Variants in PTPN12 observed in about 807,000 individuals in gnomAD.
PTPN12 encodes protein tyrosine phosphatase non-receptor type 12.
Under a neutral mutation model 97.6 loss-of-function variants are expected in PTPN12, and 29 were observed. The ratio of observed to expected loss-of-function variants is 0.30; its 90% CI spans 0.22 to 0.41. The LOEUF is 0.41. Ranked by LOEUF, PTPN12 falls within the 10% of genes least tolerant of loss-of-function variation. The probability of loss-of-function intolerance (pLI) is 1.00; values close to 1 mark genes in which losing one functional copy is unlikely to be tolerated. For synonymous variants in PTPN12, 327 were observed against 300.4 expected, an observed-to-expected ratio of 1.09 and a Z score of -0.91; for missense variants, 819 against 926.0, an observed-to-expected ratio of 0.88 and a Z score of 1.50.
At chr7:77,540,748 A>G (rs911544354) in intron 1 of PTPN12, among the ~76,000 whole-genome samples, 1 of 151,954 alleles carries the variant, frequency 6.6e-6, no homozygotes, top group Non-Finnish European at 1.5e-5. Context: ...CTGGAGAGGA[A>G]CTATGTTCTC....
intron 2 of PTPN12, among the ~76,000 whole-genome samples, chr7:77,573,329 C>T (rs1343870974): frequency 6.6e-6 from 1 of 152,046 alleles, no homozygotes; most frequent in African/African-American, 2.4e-5. Flanking sequence ...CTGGGAAGTC[C>T]AAGATGAAGG....
In PTPN12 at chr7:77,639,381, A is replaced by G; in HGVS notation, c.*101A>G. 1 of 934,620 alleles carries G rather than the reference A, an allele frequency of 1.1e-6. No individual in the cohort carries two copies. The highest frequency in any genetic ancestry group is 1.6e-6 in the Non-Finnish European group (1 of 609,352). The allele number at this position is 934,620 out of a possible 1,614,324, so 57.9% of individuals were successfully genotyped here. A position where few individuals can be genotyped will look rare whatever the true frequency, so the allele number is the denominator to read the frequency against. Reference sequence around the variant, plus strand: ...ATCTTTAATATGTGGGACTAACAGCAGTGTAGATTGTTACCTTAATATTTT... The same window carrying G: ...ATCTTTAATATGTGGGACTAACAGCGGTGTAGATTGTTACCTTAATATTTT... On this transcript the variant is annotated 3_prime_UTR_variant, in exon 18 of 18. Coordinates refer to ENST00000248594, the MANE Select transcript of PTPN12 (RefSeq NM_002835.4).
chr7:77,572,144 G>T (rs1047536391), intron 2 of PTPN12, among the ~76,000 whole-genome samples: 1 of 151,250 alleles, frequency 6.6e-6, no homozygotes, highest in Non-Finnish European at 1.5e-5. Context: ...GCCCAGGCTG[G>T]AGTGCGGTGG....
intron 8 of PTPN12, among the ~76,000 whole-genome samples, chr7:77,606,647 G>T (rs1335785063): frequency 2.0e-5 from 3 of 152,220 alleles, no homozygotes; most frequent in Non-Finnish European, 4.4e-5. Flanking sequence ...GTTACTCATA[G>T]TTCAAAAATA....
chr7:77,584,892 A>T (rs1359424081), intron 4 of PTPN12, among the ~76,000 whole-genome samples: 1 of 152,042 alleles, frequency 6.6e-6, no homozygotes, highest in East Asian at 1.9e-4. Flanking sequence ...AAAAAAAAAA[A>T]ATTTATTGTG....
chr7:77,618,476 G>A lies in PTPN12; in HGVS notation c.940-4G>A. 3 of 1,567,486 alleles carry A rather than the reference G, an allele frequency of 1.9e-6. No individual in the cohort carries two copies. Among genetic ancestry groups the A allele is most frequent in the South Asian group, 1.2e-5 (1 of 84,820 alleles). ...CCTTAGTGAAGTATTTTTTCCCTTG[G>A]CAGAATGAAATTAACACTGAAAACA... is the stretch of plus-strand genomic sequence containing the variant. On this transcript the variant is annotated splice_region_variant and splice_polypyrimidine_tract_variant and intron_variant, in intron 11 of 17. Transcript: ENST00000248594.
intron 8 of PTPN12, among the ~76,000 whole-genome samples, chr7:77,602,064 G>A (rs1490277585): frequency 6.6e-6 from 1 of 151,988 alleles, no homozygotes; most frequent in African/African-American, 2.4e-5. Flanking sequence ...TTGAAGTTCA[G>A]TTAGGTTTTG....
intron 1 of PTPN12, among the ~76,000 whole-genome samples, chr7:77,551,794 A>T (rs1298921930): frequency 4.6e-5 from 7 of 152,112 alleles, no homozygotes; most frequent in Non-Finnish European, 1.0e-4. Flanking sequence ...CTGATATCTT[A>T]TACTTCTTAG....
intron 2 of PTPN12, among the ~76,000 whole-genome samples, chr7:77,576,470 C>T (rs939248075): frequency 1.3e-5 from 2 of 152,032 alleles, no homozygotes; most frequent in Admixed American, 6.6e-5. Context: ...GAGGCCGAAG[C>T]GGGCAGATCA....
At chr7:77,608,223 C>A (rs1452805481) in intron 9 of PTPN12, among the ~76,000 whole-genome samples, 1 of 152,220 alleles carries the variant, frequency 6.6e-6, no homozygotes, top group Admixed American at 6.5e-5. Context: ...GGTCAAAATA[C>A]TAATCCCATA....
At chr7:77,634,129 G>T (rs1789502081) in intron 14 of PTPN12, among the ~76,000 whole-genome samples, 1 of 151,988 alleles carries the variant, frequency 6.6e-6, no homozygotes, top group Admixed American at 6.6e-5. Flanking sequence ...GATCCCTGTA[G>T]TTGGAGGCTG....
intron 1 of PTPN12, among the ~76,000 whole-genome samples, chr7:77,558,745 G>A (rs1220146366): frequency 6.6e-6 from 1 of 152,214 alleles, no homozygotes; most frequent in East Asian, 1.9e-4. Flanking sequence ...TTTATGAGCT[G>A]GGCCCAGTGG....
At position 77,567,547 on chromosome 7, in the gene PTPN12, C is replaced by G. The variant is rs368365240; in HGVS notation, c.100-3531C>G. ...CATGGGATTTTTTTTAAAGTAGAAT[C>G]TTAGCAACTTTTAAAAAGACAAATT... On this transcript the variant is annotated intron_variant, in intron 1 of 17. Coordinates refer to ENST00000248594, the MANE Select transcript of PTPN12 (RefSeq NM_002835.4). 2.6e-5 allele frequency among the ~76,000 whole-genome samples: 4 copies of G among 152,194 alleles called. No homozygotes were observed. In the East Asian group the frequency reaches 7.7e-4, roughly 29 times the overall value.
chr7:77,572,855 C>G (rs1787191927), intron 2 of PTPN12, among the ~76,000 whole-genome samples: 3 of 152,056 alleles, frequency 2.0e-5, no homozygotes, highest in African/African-American at 7.2e-5. Context: ...GAGGCCGAGA[C>G]TGGTGGATCA....
intron 14 of PTPN12, among the ~76,000 whole-genome samples, chr7:77,633,796 G>A (rs1173103863): frequency 3.3e-5 from 5 of 152,088 alleles, no homozygotes; most frequent in Admixed American, 6.6e-5. Context: ...TCCAAGGCGC[G>A]AGGATTGCTT....
intron 11 of PTPN12, among the ~76,000 whole-genome samples, chr7:77,612,122 G>A (rs1355790879): frequency 6.6e-6 from 1 of 151,082 alleles, no homozygotes; most frequent in Non-Finnish European, 1.5e-5. Flanking sequence ...AAATGGTTTT[G>A]TCAGTTCCCA....
chr7:77,558,209 TCAAA>T (rs1807811489), intron 1 of PTPN12, among the ~76,000 whole-genome samples: 2 of 51,286 alleles, frequency 3.9e-5, no homozygotes, highest in Admixed American at 4.7e-4. Flanking sequence ...AGACTCCATC[TCAAA>T]AAAAAAAAAA....
Position 77,576,982 on chromosome 7 carries a change from C to T in PTPN12, c.209-4445C>T, listed in dbSNP as rs866712697. Among the ~76,000 whole-genome samples, 10 of 152,318 alleles carry T rather than the reference C, an allele frequency of 6.6e-5. No individual in the cohort carries two copies. The South Asian group carries it at 8.3e-4, about 13-fold the overall frequency. On this transcript the variant is annotated intron_variant, in intron 2 of 17. Coordinates refer to ENST00000248594, the MANE Select transcript of PTPN12 (RefSeq NM_002835.4). ...AGGCCTGGCTGACCCCACAATTGAA[C>T]AGGGTTTGGTGTGTCATTGCTTTTA...
intron 1 of PTPN12, among the ~76,000 whole-genome samples, chr7:77,555,623 G>T (rs1807673398): frequency 6.6e-6 from 1 of 152,058 alleles, no homozygotes; most frequent in Non-Finnish European, 1.5e-5. Context: ...AAAATCTCTA[G>T]CGTTTCTTAG....
Sources: allele counts gnomAD v4.1 joint callset (sites outside exome capture counted in the v4.1 genomes callset), GRCh38; gene constraint gnomAD v4.1.1; transcripts MANE v1.5; gene names NCBI Gene and HGNC (gene_info 2026-07-23, HGNC 2026-07-21).